Variants in MROH2A observed in about 807,000 individuals in gnomAD.
The protein encoded by MROH2A is maestro heat like repeat family member 2A.
A neutral mutation model predicts 200.4 loss-of-function variants in MROH2A; 174 were observed. The observed-to-expected ratio is 0.87, with a 90% confidence interval of 0.77 to 0.98. The LOEUF is 0.98. Ranked by LOEUF, MROH2A falls within the 50% of genes least tolerant of loss-of-function variation. The pLI is 0.00. For synonymous variants in MROH2A, 829 were observed against 840.4 expected (o/e 0.99, Z 0.23); for missense variants, 2,045 against 2,139.6 (o/e 0.96, Z 0.87).
At chr2:233,775,943 C>G (rs917476204), upstream of MROH2A, among the ~76,000 whole-genome samples, 1 of 152,124 alleles carries the variant, frequency 6.6e-6, no homozygotes, top group Non-Finnish European at 1.5e-5. Flanking sequence ...GGGCTTTTCC[C>G]CCTCTTGCTC....
At chr2:233,823,172 G>C (rs141682322) in intron 34 of MROH2A, among the ~76,000 whole-genome samples, 154 bp downstream of exon 34, 1 of 152,338 alleles carries the variant, frequency 6.6e-6, no homozygotes, top group East Asian at 1.9e-4. Flanking sequence ...GGATGGCAGT[G>C]GTGTGCAAGA....
At chr2:233,795,120 G>T (rs920885254) in intron 8 of MROH2A, among the ~76,000 whole-genome samples, 2 of 152,114 alleles carry the variant, frequency 1.3e-5, no homozygotes, top group Non-Finnish European at 2.9e-5. Context: ...TCCAAATAAG[G>T]TCACATTATC....
At chr2:233,799,412 A>G (rs1274801637) in intron 12 of MROH2A, among the ~76,000 whole-genome samples, 4 of 152,128 alleles carry the variant, frequency 2.6e-5, no homozygotes, top group Non-Finnish European at 5.9e-5. Context: ...TGTGGAGGGA[A>G]GCGAGAAGAG....
At chr2:233,814,822 A>C (rs1703404410) in intron 26 of MROH2A, 145 bp downstream of exon 26, 1 of 573,430 alleles carries the variant, frequency 1.7e-6, no homozygotes, top group East Asian at 3.1e-5. Context: ...TCTGCTAAAA[A>C]TTTGCAAGGA....
intron 31 of MROH2A, among the ~76,000 whole-genome samples, chr2:233,821,850 T>C (rs981706397): frequency 6.6e-6 from 1 of 151,392 alleles, no homozygotes; most frequent in African/African-American, 2.4e-5. Flanking sequence ...CAGGTGGGGG[T>C]CTCTGTGGTC....
Position 233,829,575 on chromosome 2 carries a change from G to C in MROH2A, c.4447-45G>C, listed in dbSNP as rs11563255. The C allele has an allele frequency of 2.7e-3, 3,641 of 1,355,914 alleles. 79 individuals carry two copies. In the African/African-American group the frequency reaches 0.048, roughly 18 times the overall value. The allele number at this position is 1,355,914 out of a possible 1,614,324, so 84.0% of individuals were successfully genotyped here. The stretch of plus-strand genomic sequence containing the variant: ...TGGAGAATGGCTGGGGTTTTGCTGG[G>C]CTTCCTGCTGCCTGCATGTCAGCCT... On this transcript the variant is annotated intron_variant, in intron 37 of 41. Coordinates refer to ENST00000389758, the MANE Select transcript of MROH2A (RefSeq NM_001394639.1).
intron 1 of MROH2A, 118 bp from the exon 2 acceptor site, chr2:233,779,227 C>T: frequency 1.5e-6 from 1 of 654,878 alleles, no homozygotes; most frequent in Non-Finnish European, 2.7e-6. Context: ...AGAAGGAAGT[C>T]ACAGGTTCCA....
intron 3 of MROH2A, among the ~76,000 whole-genome samples, chr2:233,788,081 A>T (rs1388485311): frequency 5.3e-5 from 5 of 94,382 alleles, no homozygotes; most frequent in South Asian, 5.5e-4. Context: ...ATACATATAT[A>T]TTATATATAC....
Position 233,828,420 on chromosome 2 carries a change from C to A in MROH2A, c.4114-210C>A. ...TATACGTAACACTTATCTAGCATTCCCCCCATATTTCCTTATTAAATCCCC... is the reference window on the plus strand; with the variant it reads ...TATACGTAACACTTATCTAGCATTCACCCCATATTTCCTTATTAAATCCCC... On this transcript the variant is annotated intron_variant, in intron 35 of 41. Transcript: ENST00000389758. The surrounding 1 kb of genome is among the most constrained non-coding windows in gnomAD (Gnocchi z 4.6). The A allele has an allele frequency of 1.8e-6, 1 of 556,562 alleles. No individual in the cohort carries two copies. The highest frequency in any genetic ancestry group is 3.2e-6 in the Non-Finnish European group (1 of 311,794). The allele number at this position is 556,562 out of a possible 1,614,324, so 34.5% of individuals were successfully genotyped here.
At chr2:233,782,852 T>A (rs1014535894) in intron 3 of MROH2A, among the ~76,000 whole-genome samples, 9 of 152,250 alleles carry the variant, frequency 5.9e-5, no homozygotes, top group Middle Eastern at 3.2e-3. Context: ...TGTGGGTTTG[T>A]CATATATGGC....
intron 19 of MROH2A, among the ~76,000 whole-genome samples, chr2:233,806,047 AAG>A (rs1405817860): frequency 3.9e-5 from 6 of 152,192 alleles, no homozygotes; most frequent in South Asian, 4.1e-4. Flanking sequence ...AAGTGACAAA[AAG>A]AAATAAATTG....
At position 233,830,825 on chromosome 2, in the gene MROH2A, C is replaced by G. The variant is rs987694802; in HGVS notation, c.4603-584C>G. 2.6e-5 allele frequency among the ~76,000 whole-genome samples: 4 copies of G among 152,218 alleles called. No individual in the cohort carries two copies. In the East Asian group the frequency reaches 7.7e-4, roughly 29 times the overall value. ...GTGTCACTGCCCAGAGGCTCCTTTT[C>G]CTTGCCAGTCCTCACCACCCTCTGT... On this transcript the variant is annotated intron_variant, in intron 38 of 41. Coordinates refer to ENST00000389758, the MANE Select transcript of MROH2A (RefSeq NM_001394639.1).
chr2:233,822,069 C>A, intron 31 of MROH2A, 55 bp from the exon 32 acceptor site: 1 of 1,506,516 alleles, frequency 6.6e-7, no homozygotes, highest in Non-Finnish European at 8.9e-7. Flanking sequence ...GGGATTCTTA[C>A]CTGCCAGGGC....
rs1309046538 is a variant in MROH2A, at chr2:233,807,932, C to T, written c.2295+77C>T. The T allele has an allele frequency of 2.1e-5, 32 of 1,532,490 alleles. No homozygotes were observed. The highest frequency in any genetic ancestry group is 1.3e-4 in the South Asian group (11 of 83,138). The allele number at this position is 1,532,490 out of a possible 1,614,324, so 94.9% of individuals were successfully genotyped here. A position where few individuals can be genotyped will look rare whatever the true frequency, so the allele number is the denominator to read the frequency against. ...TCTGGGCACTGACACAAAGTCCTTT[C>T]TAGATCTCAGTAGGAAACTTGCCTC... is the stretch of plus-strand genomic sequence containing the variant. On this transcript the variant is annotated intron_variant, in intron 21 of 41. Coordinates refer to ENST00000389758, the MANE Select transcript of MROH2A (RefSeq NM_001394639.1). The surrounding 1 kb of genome is among the most constrained non-coding windows in gnomAD (Gnocchi z 4.3).
chr2:233,807,783 G>A lies in MROH2A; in HGVS notation c.2223G>A (p.Val741=). The A allele has an allele frequency of 6.4e-7, 1 of 1,550,842 alleles. No homozygotes were observed. Among genetic ancestry groups the A allele is most frequent in the Admixed American group, 2.0e-5 (1 of 51,016 alleles). ...GTGCCCGGGGCCAGGTAAAAACGGT[G>A]CTGAATGTGCTTCATGACTTCGAGG... The part of the protein sequence containing the change: ...GLCARGQVKT[V]LNVLHDFEER... Residue 741 remains valine (V), a synonymous_variant, in exon 21 of 42, where the codon GTG becomes GTA. Coordinates refer to ENST00000389758, the MANE Select transcript of MROH2A (RefSeq NM_001394639.1). This position sits in a 1 kb window ranked among gnomAD's most constrained non-coding sequence, Gnocchi z 4.3.
intron 11 of MROH2A, among the ~76,000 whole-genome samples, chr2:233,797,871 G>T (rs574991480): frequency 6.6e-6 from 1 of 152,246 alleles, no homozygotes; most frequent in East Asian, 1.9e-4. Flanking sequence ...TGCTGAAGAT[G>T]ATGGTTTCCA....
At position 233,802,053 on chromosome 2, in the gene MROH2A, G is replaced by T. The variant is rs1465176700; in HGVS notation, c.1561-115G>T. ...CAGTTCAGGGCTGAGACTGTCAGGGGACATCTCTGGGGAAGCAGGGATGGG... is the reference window on the plus strand; with the variant it reads ...CAGTTCAGGGCTGAGACTGTCAGGGTACATCTCTGGGGAAGCAGGGATGGG... On this transcript the variant is annotated intron_variant, in intron 14 of 41. Transcript: ENST00000389758. 6.9e-6 allele frequency: 8 copies of T among 1,166,944 alleles called. No homozygotes were observed. In the Admixed American group the frequency reaches 8.3e-5, roughly 12 times the overall value. The allele number at this position is 1,166,944 out of a possible 1,614,324, so 72.3% of individuals were successfully genotyped here.
At chr2:233,808,332 C>T (rs924727876) in intron 21 of MROH2A, among the ~76,000 whole-genome samples, 6 of 152,180 alleles carry the variant, frequency 3.9e-5, no homozygotes, top group South Asian at 4.1e-4. Flanking sequence ...CATTGGCGTG[C>T]GGCTGGTTCC....
At chr2:233,819,574 C>T in intron 30 of MROH2A, 105 bp downstream of exon 30, 1 of 1,200,302 alleles carries the variant, frequency 8.3e-7, no homozygotes, top group Non-Finnish European at 1.1e-6. Flanking sequence ...CTGAGAATGC[C>T]TCCCCCAACC....
Sources: allele counts gnomAD v4.1 joint callset (sites outside exome capture counted in the v4.1 genomes callset), GRCh38; gene constraint gnomAD v4.1.1; non-coding constraint Gnocchi (gnomAD v3.1); transcripts MANE v1.5; gene names NCBI Gene and HGNC (gene_info 2026-07-23, HGNC 2026-07-21).